The following SH3BP4 variants were observed in gnomAD, a reference collection of about 807,000 sequenced individuals.
SH3BP4 encodes SH3 domain binding protein 4, also known as SH3 domain-binding protein 4.
A neutral mutation model predicts 65.5 loss-of-function variants in SH3BP4; 33 were observed. The ratio of observed to expected loss-of-function variants is 0.50; its 90% CI spans 0.38 to 0.67. SH3BP4 has a LOEUF of 0.67. Among genes scored for constraint, SH3BP4 ranks in the 30% least tolerant of loss-of-function variants. The probability of loss-of-function intolerance (pLI) is 0.00; values close to 1 mark genes in which losing one functional copy is unlikely to be tolerated. For missense variants in SH3BP4, 1,134 were observed against 1,261.4 expected (o/e 0.90, Z 1.53); for synonymous variants, 552 against 545.5 (o/e 1.01, Z -0.17).
intron 1 of SH3BP4, among the ~76,000 whole-genome samples, chr2:234,973,787 T>C (rs1033825598): frequency 2.0e-5 from 3 of 151,746 alleles, no homozygotes; most frequent in Non-Finnish European, 4.4e-5. Flanking sequence ...AGGCGTGTGC[T>C]ACCACACCCA....
chr2:235,046,901 G>C lies in SH3BP4; in HGVS notation c.2478+3654G>C, dbSNP rs532712120. ...CCTGTTTTTGATAGAGTCCGTGTGT[G>C]AGGCATCCCCGTACCTCTGCCTGCC... On this transcript the variant is annotated intron_variant, in intron 4 of 5. Transcript: ENST00000392011. The surrounding 1 kb of genome is among the most constrained non-coding windows in gnomAD (Gnocchi z 4.2). Among the ~76,000 whole-genome samples the C allele has an allele frequency of 6.6e-5, 10 of 152,242 alleles. No homozygotes were observed. In the East Asian group the frequency reaches 1.7e-3, roughly 26 times the overall value.
intron 2 of SH3BP4, among the ~76,000 whole-genome samples, chr2:235,018,369 C>T (rs1185703038): frequency 6.6e-6 from 1 of 152,062 alleles, no homozygotes; most frequent in African/African-American, 2.4e-5. Flanking sequence ...GGCTGTCCCT[C>T]CCAGGCCAGT....
At chr2:234,968,250 G>A (rs574216865) in intron 1 of SH3BP4, among the ~76,000 whole-genome samples, 51 of 152,282 alleles carry the variant, frequency 3.3e-4, no homozygotes, top group Admixed American at 4.6e-4. Context: ...GGGGACTGGG[G>A]GCTTGTGTTT....
chr2:235,050,370 G>C (rs1349645804), intron 4 of SH3BP4, among the ~76,000 whole-genome samples: 1 of 152,064 alleles, frequency 6.6e-6, no homozygotes, highest in African/African-American at 2.4e-5. Flanking sequence ...ACCTGCCTCA[G>C]CCTCCCAAAG....
In SH3BP4 at chr2:235,034,275, G is replaced by A. The variant is rs1346002011; in HGVS notation, c.-132-596G>A. On this transcript the variant is annotated intron_variant, in intron 2 of 5. Coordinates refer to ENST00000392011, the MANE Select transcript of SH3BP4 (RefSeq NM_014521.3). The surrounding 1 kb of genome is among the most constrained non-coding windows in gnomAD (Gnocchi z 6.2). ...ATATGCCCTGGTTTCATCTGCATAC[G>A]TTGCATTGAGAATACCTTATGGCCG... 1.3e-5 allele frequency among the ~76,000 whole-genome samples: 2 copies of A among 152,166 alleles called. No individual in the cohort carries two copies. Among genetic ancestry groups the A allele is most frequent in the Non-Finnish European group, 2.9e-5 (2 of 68,036 alleles).
chr2:235,015,900 T>A (rs1391954816), intron 2 of SH3BP4, among the ~76,000 whole-genome samples: 1 of 151,830 alleles, frequency 6.6e-6, no homozygotes, highest in Non-Finnish European at 1.5e-5. Flanking sequence ...CTAGTTGATC[T>A]TGAGAGTGGC....
In SH3BP4 at chr2:235,045,514, C is replaced by G. The variant is rs1381520840; in HGVS notation, c.2478+2267C>G. 6.6e-6 allele frequency among the ~76,000 whole-genome samples: 1 copy of G among 152,126 alleles called. No homozygotes were observed. The highest frequency in any genetic ancestry group is 1.5e-5 in the Non-Finnish European group (1 of 68,030). ...TCTGTGCCCGAGTCCTTCCGCTACC[C>G]AGAAAGGAGGAAGTGAAACTTGCCC... On this transcript the variant is annotated intron_variant, in intron 4 of 5. Coordinates refer to ENST00000392011, the MANE Select transcript of SH3BP4 (RefSeq NM_014521.3). This position sits in a 1 kb window ranked among gnomAD's most constrained non-coding sequence, Gnocchi z 4.3.
intron 1 of SH3BP4, among the ~76,000 whole-genome samples, chr2:234,955,514 G>A (rs1040971579): frequency 6.6e-6 from 1 of 152,122 alleles, no homozygotes; most frequent in African/African-American, 2.4e-5. Context: ...TGATCCCACC[G>A]TGACCTCGCT....
At chr2:235,038,037 T>G (rs955672329) in intron 3 of SH3BP4, among the ~76,000 whole-genome samples, 1 of 151,114 alleles carries the variant, frequency 6.6e-6, no homozygotes, top group African/African-American at 2.4e-5. Flanking sequence ...CCACAAATAC[T>G]CATTGAGTCC....
At chr2:235,007,498 C>T (rs145051267) in intron 2 of SH3BP4, among the ~76,000 whole-genome samples, 81 of 152,262 alleles carry the variant, frequency 5.3e-4, no homozygotes, top group African/African-American at 1.9e-3. Context: ...CCTGAGGACG[C>T]TGCTGCAGAT....
chr2:234,985,370 G>A (rs563481915), intron 1 of SH3BP4, among the ~76,000 whole-genome samples: 2 of 152,270 alleles, frequency 1.3e-5, no homozygotes, highest in African/African-American at 4.8e-5. Flanking sequence ...GAATATGGGA[G>A]AAAGTCAAAA....
At chr2:234,983,858 A>G (rs994816655) in intron 1 of SH3BP4, among the ~76,000 whole-genome samples, 3 of 152,222 alleles carry the variant, frequency 2.0e-5, no homozygotes, top group Non-Finnish European at 4.4e-5. Flanking sequence ...ACCCCCTCGG[A>G]GCCTCCAGAA....
chr2:235,042,059 C>T lies in SH3BP4; in HGVS notation c.1290C>T (p.Leu430=), dbSNP rs749521740. The T allele has an allele frequency of 3.7e-6, 6 of 1,613,954 alleles. No individual in the cohort carries two copies. The African/African-American group carries it at 6.7e-5, about 18-fold the overall frequency. The change falls in exon 4 of 6, where the codon CTC becomes CTT. Residue 430 remains leucine (L), a synonymous_variant. Coordinates refer to ENST00000392011, the MANE Select transcript of SH3BP4 (RefSeq NM_014521.3). This position sits in a 1 kb window ranked among gnomAD's most constrained non-coding sequence, Gnocchi z 7.3. ...SKEGPYVSVP[L]NCSCGDTVQA... ...AAGGGCCATATGTCTCCGTCCCGCTCAACTGCAGCTGTGGGGACACGGTCC... is the reference window on the plus strand; with the variant it reads ...AAGGGCCATATGTCTCCGTCCCGCTTAACTGCAGCTGTGGGGACACGGTCC...
At chr2:235,006,206 T>A (rs929828723) in intron 2 of SH3BP4, among the ~76,000 whole-genome samples, 2 of 152,022 alleles carry the variant, frequency 1.3e-5, no homozygotes, top group African/African-American at 4.8e-5. Flanking sequence ...GAGATGGGAG[T>A]CAGCCTTGGT....
rs1479211271 is a variant in SH3BP4, at chr2:235,046,772, T to TGCA, written c.2478+3527_2478+3529dup. 6.6e-6 allele frequency among the ~76,000 whole-genome samples: 1 copy of TGCA among 151,968 alleles called. No homozygotes were observed. Among genetic ancestry groups the TGCA allele is most frequent in the Non-Finnish European group, 1.5e-5 (1 of 68,014 alleles). ...AATGATGAATGAATGAATGAATGAA[T>TGCA]GCAGGCCTTGGGCTGGGCTAAGAAT... On this transcript the variant is annotated intron_variant, in intron 4 of 5. Coordinates refer to ENST00000392011, the MANE Select transcript of SH3BP4 (RefSeq NM_014521.3). This position sits in a 1 kb window ranked among gnomAD's most constrained non-coding sequence, Gnocchi z 4.2.
At chr2:234,968,350 A>G in intron 1 of SH3BP4, among the ~76,000 whole-genome samples, 1 of 149,116 alleles carries the variant, frequency 6.7e-6, no homozygotes, top group South Asian at 2.2e-4. Context: ...GTACCTTCTA[A>G]GGAGTCTTTA....
Position 235,041,184 on chromosome 2 carries a change from C to T in SH3BP4, c.415C>T (p.Leu139=). 6.2e-7 allele frequency: 1 copy of T among 1,614,122 alleles called. No individual in the cohort carries two copies. The highest frequency in any genetic ancestry group is 8.5e-7 in the Non-Finnish European group (1 of 1,180,020). The part of the protein sequence containing the change: ...PDSPDEVAKE[L]ELLGGWTDDK... Reference sequence around the variant, plus strand: ...CAGCCCAGACGAGGTAGCCAAGGAGCTGGAGCTGCTCGGGGGATGGACAGA... The same window carrying T: ...CAGCCCAGACGAGGTAGCCAAGGAGTTGGAGCTGCTCGGGGGATGGACAGA... Residue 139 remains leucine, a synonymous_variant, in exon 4 of 6, where the codon CTG becomes TTG. Transcript: ENST00000392011. This position sits in a 1 kb window ranked among gnomAD's most constrained non-coding sequence, Gnocchi z 6.0.
chr2:234,961,171 A>G (rs937954945), intron 1 of SH3BP4, among the ~76,000 whole-genome samples: 1 of 152,168 alleles, frequency 6.6e-6, no homozygotes, highest in Non-Finnish European at 1.5e-5. Context: ...TGACCATCGT[A>G]CTTCGCTCCT....
chr2:234,970,368 A>C (rs911783894), intron 1 of SH3BP4, among the ~76,000 whole-genome samples: 6 of 152,202 alleles, frequency 3.9e-5, no homozygotes, highest in Non-Finnish European at 8.8e-5. Context: ...CTTCCCCTAG[A>C]GATTCCATTG....
Sources: allele counts gnomAD v4.1 joint callset (sites outside exome capture counted in the v4.1 genomes callset), GRCh38; gene constraint gnomAD v4.1.1; non-coding constraint Gnocchi (gnomAD v3.1); transcripts MANE v1.5; gene names NCBI Gene and HGNC (gene_info 2026-07-23, HGNC 2026-07-21).